PRRX1: variants seen among roughly 807,000 people sequenced by gnomAD.
The protein encoded by PRRX1 is paired related homeobox 1.
PRRX1 carries 8 observed loss-of-function variants against 24.0 expected under a neutral mutation model. That is an observed-to-expected ratio of 0.33 (90% CI 0.20 to 0.60). PRRX1 has a LOEUF of 0.60. Ranked by LOEUF, PRRX1 falls within the 20% of genes least tolerant of loss-of-function variation. PRRX1 has a pLI of 0.82. For missense variants in PRRX1, 281 were observed against 322.4 expected (o/e 0.87, Z 0.98); for synonymous variants, 160 against 131.7 (o/e 1.22, Z -1.47).
At chr1:170,672,391 C>T (rs1047320291) in intron 1 of PRRX1, among the ~76,000 whole-genome samples, 1 of 152,150 alleles carries the variant, frequency 6.6e-6, no homozygotes, top group Non-Finnish European at 1.5e-5. Context: ...CTGGAGTGTT[C>T]ACTAGAAACA....
At chr1:170,672,053 C>T (rs1241937522) in intron 1 of PRRX1, among the ~76,000 whole-genome samples, 1 of 152,068 alleles carries the variant, frequency 6.6e-6, no homozygotes, top group Non-Finnish European at 1.5e-5. Context: ...ATCAGGGTAA[C>T]CTTTCCTCCT....
At chr1:170,731,937 TAACTAA>T (rs961070140) in intron 3 of PRRX1, among the ~76,000 whole-genome samples, 15 of 152,322 alleles carry the variant, frequency 9.8e-5, no homozygotes, top group African/African-American at 3.6e-4. Context: ...ACAAAGAACT[TAACTAA>T]AACTAACTAA....
intron 1 of PRRX1, among the ~76,000 whole-genome samples, chr1:170,701,503 A>G (rs539012874): frequency 2.4e-4 from 36 of 152,220 alleles, no homozygotes; most frequent in Non-Finnish European, 4.3e-4. Context: ...GCATCTGATC[A>G]TTCCATTTCT....
intron 1 of PRRX1, among the ~76,000 whole-genome samples, chr1:170,673,454 C>T (rs1653208015): frequency 6.6e-6 from 1 of 152,132 alleles, no homozygotes; most frequent in African/African-American, 2.4e-5. Context: ...CTAATCTAGC[C>T]TAAGTACTAG....
chr1:170,664,856 G>A (rs1652862753), intron 1 of PRRX1, among the ~76,000 whole-genome samples: 1 of 152,260 alleles, frequency 6.6e-6, no homozygotes, highest in South Asian at 2.1e-4. Flanking sequence ...GTTTGGGAAA[G>A]CAGCAGGTTA....
intron 1 of PRRX1, among the ~76,000 whole-genome samples, chr1:170,674,206 A>G (rs1318133747): frequency 2.0e-5 from 3 of 151,712 alleles, no homozygotes; most frequent in African/African-American, 7.3e-5. Flanking sequence ...TCTCTCTGTC[A>G]CACACACACA....
Position 170,719,802 on chromosome 1 carries a change from G to A in PRRX1, c.318G>A (p.Leu106=). 1 of 1,614,214 alleles carries A rather than the reference G, an allele frequency of 6.2e-7. No homozygotes were observed. Among genetic ancestry groups the A allele is most frequent in the Non-Finnish European group, 8.5e-7 (1 of 1,180,026 alleles). ...RNRTTFNSSQ[L]QALERVFERT... ...GGACAACCTTCAATAGCAGCCAGCT[G>A]CAGGCTTTGGAGCGTGTCTTTGAGC... Residue 106 remains leucine (L), a synonymous_variant, in exon 2 of 4, where the codon CTG becomes CTA. Coordinates refer to ENST00000239461, the MANE Select transcript of PRRX1 (RefSeq NM_022716.4).
At chr1:170,691,327 C>G (rs897307333) in intron 1 of PRRX1, among the ~76,000 whole-genome samples, 9 of 152,030 alleles carry the variant, frequency 5.9e-5, no homozygotes, top group Admixed American at 4.6e-4. Flanking sequence ...TGGATTTAAT[C>G]AGATCAAACT....
chr1:170,709,371 G>T (rs1280037254), intron 1 of PRRX1, among the ~76,000 whole-genome samples: 1 of 152,146 alleles, frequency 6.6e-6, no homozygotes, highest in Admixed American at 6.6e-5. Flanking sequence ...AAAAGGACAA[G>T]AAAATTATGT....
intron 1 of PRRX1, among the ~76,000 whole-genome samples, chr1:170,711,222 C>A (rs1170123472): frequency 6.6e-6 from 1 of 152,126 alleles, no homozygotes; most frequent in East Asian, 1.9e-4. Flanking sequence ...ACTTTGATAT[C>A]CTTTTCAGCC....
chr1:170,723,078 G>A (rs529976649), intron 2 of PRRX1, among the ~76,000 whole-genome samples: 2 of 152,248 alleles, frequency 1.3e-5, no homozygotes, highest in East Asian at 1.9e-4. Context: ...TGTGAGTAAC[G>A]GGGAGCCAGT....
intron 1 of PRRX1, among the ~76,000 whole-genome samples, chr1:170,688,784 T>A (rs1038283249): frequency 3.9e-5 from 6 of 152,164 alleles, no homozygotes; most frequent in Non-Finnish European, 5.9e-5. Context: ...CTGGGAACTG[T>A]TTACAGGAAA....
chr1:170,692,811 A>G (rs977577891), intron 1 of PRRX1, among the ~76,000 whole-genome samples: 11 of 151,872 alleles, frequency 7.2e-5, no homozygotes, highest in Middle Eastern at 3.4e-3. Context: ...TCTGCAACTG[A>G]GACTTCTAGA....
intron 2 of PRRX1, among the ~76,000 whole-genome samples, chr1:170,724,488 A>C (rs191302920): frequency 2.2e-4 from 34 of 152,306 alleles, no homozygotes; most frequent in African/African-American, 7.7e-4. Flanking sequence ...GTCCAGTTTC[A>C]GTTTTCCGCA....
At chr1:170,669,383 C>A (rs1439256836) in intron 1 of PRRX1, 7 of 121,982 alleles carry the variant, frequency 5.7e-5, no homozygotes, top group Admixed American at 2.2e-4. Flanking sequence ...GCGAATAAAT[C>A]ATCTCCAAAC....
rs148613329 is a variant in PRRX1, at chr1:170,724,539, G to C, written c.418-1681G>C. Among the ~76,000 whole-genome samples the C allele has an allele frequency of 6.3e-3, 957 of 152,260 alleles. 8 individuals are homozygous for C. Among genetic ancestry groups the C allele is most frequent in the Non-Finnish European group, 0.01 (703 of 68,014 alleles). ...CTCCAAGCACCATTTATTAAATAGGGAATCCTTTCCCCATAGCTTGTTTTT... is the reference window on the plus strand; with the variant it reads ...CTCCAAGCACCATTTATTAAATAGGCAATCCTTTCCCCATAGCTTGTTTTT... On this transcript the variant is annotated intron_variant, in intron 2 of 3. Coordinates refer to ENST00000239461, the MANE Select transcript of PRRX1 (RefSeq NM_022716.4).
chr1:170,736,537 A>C lies in PRRX1; in HGVS notation c.*351A>C. 3.4e-6 allele frequency: 1 copy of C among 296,392 alleles called. No homozygotes were observed. Among genetic ancestry groups the C allele is most frequent in the Non-Finnish European group, 6.1e-6 (1 of 164,074 alleles). 18.4% of individuals were successfully genotyped at this position (296,392 alleles called of 1,614,324 possible). On this transcript the variant is annotated 3_prime_UTR_variant, in exon 4 of 4. Transcript: ENST00000239461. ...AGTTTTAAAAAAAACTACAGCAGCCAAAGAAACTATATATATATATATATA... is the reference window on the plus strand; with the variant it reads ...AGTTTTAAAAAAAACTACAGCAGCCCAAGAAACTATATATATATATATATA...
At chr1:170,679,983 C>T (rs1653454634) in intron 1 of PRRX1, among the ~76,000 whole-genome samples, 1 of 151,874 alleles carries the variant, frequency 6.6e-6, no homozygotes, top group South Asian at 2.1e-4. Flanking sequence ...TTAATTTTCC[C>T]TTTTTTCTGA....
chr1:170,693,626 T>G (rs1196602751), intron 1 of PRRX1, among the ~76,000 whole-genome samples: 1 of 152,138 alleles, frequency 6.6e-6, no homozygotes, highest in African/African-American at 2.4e-5. Flanking sequence ...CTTACTCAGC[T>G]AGACTCTTAA....
Sources: gnomAD v4.1 joint callset for allele counts (sites outside exome capture counted in the v4.1 genomes callset) on GRCh38, gnomAD v4.1.1 for gene constraint, MANE v1.5 for transcripts, NCBI Gene and HGNC (gene_info 2026-07-23, HGNC 2026-07-21) for gene names.